Variants in SNTG1 observed in about 807,000 individuals in gnomAD.
SNTG1 encodes syntrophin gamma 1, also known as gamma-1-syntrophin.
A neutral mutation model predicts 74.7 loss-of-function variants in SNTG1; 39 were observed. That is an observed-to-expected ratio of 0.52 (90% CI 0.40 to 0.68). The LOEUF is 0.68. SNTG1 is among the 30% of genes least tolerant of loss of function. SNTG1 has a pLI of 0.00. For missense variants in SNTG1, 685 were observed against 609.5 expected, an observed-to-expected ratio of 1.12 and a Z score of -1.30; for synonymous variants, 254 against 217.1, an observed-to-expected ratio of 1.17 and a Z score of -1.49.
chr8:50,418,252 T>C (rs2093038134), intron 4 of SNTG1, among the ~76,000 whole-genome samples: 1 of 152,100 alleles, frequency 6.6e-6, no homozygotes, highest in South Asian at 2.1e-4. Context: ...TCAACATTGC[T>C]CAATTTAATG....
intron 15 of SNTG1, among the ~76,000 whole-genome samples, chr8:50,697,424 C>A (rs529582584): frequency 6.6e-6 from 1 of 152,224 alleles, no homozygotes; most frequent in East Asian, 1.9e-4. Flanking sequence ...TGGTTTATTT[C>A]TCTTGCCTAA....
chr8:50,652,799 A>C (rs1306887611), intron 13 of SNTG1, among the ~76,000 whole-genome samples: 2 of 152,050 alleles, frequency 1.3e-5, no homozygotes, highest in African/African-American at 4.8e-5. Context: ...TGTCTCAAAA[A>C]CAATAATAAG....
chr8:50,554,030 C>G (rs1453710341), intron 12 of SNTG1, among the ~76,000 whole-genome samples: 1 of 152,168 alleles, frequency 6.6e-6, no homozygotes, highest in African/African-American at 2.4e-5. Flanking sequence ...ATATATAACT[C>G]TGTCACCAGC....
chr8:50,117,260 T>C (rs968661082), intron 1 of SNTG1, among the ~76,000 whole-genome samples: 1 of 152,094 alleles, frequency 6.6e-6, no homozygotes, highest in African/African-American at 2.4e-5. Context: ...GGACTTGTCA[T>C]GCTGTAAAAA....
chr8:50,614,651 A>G (rs1351138522), intron 13 of SNTG1, among the ~76,000 whole-genome samples: 3 of 152,154 alleles, frequency 2.0e-5, no homozygotes, highest in African/African-American at 7.2e-5. Flanking sequence ...AGTAAATTTT[A>G]ATTATAGTTT....
chr8:50,796,197 C>G lies in SNTG1; in HGVS notation c.*3368C>G, dbSNP rs1211284375. 6.6e-6 allele frequency: 1 copy of G among 152,002 alleles called. No homozygotes were observed. The allele number at this position is 152,002 out of a possible 1,614,324, so 9.4% of individuals were successfully genotyped here. A position where few individuals can be genotyped will look rare whatever the true frequency, so the allele number is the denominator to read the frequency against. ...TCCTAACGATAATTTAGAATTACTG[C>G]TAGAAATCAGCAGTGTGGAGAAGCT... On this transcript the variant is annotated 3_prime_UTR_variant, in exon 19 of 19. Transcript: ENST00000642720.
At chr8:49,934,224 T>C (rs2129361196) in intron 1 of SNTG1, among the ~76,000 whole-genome samples, 1 of 152,178 alleles carries the variant, frequency 6.6e-6, no homozygotes, top group South Asian at 2.1e-4. Flanking sequence ...TACCTTTCCT[T>C]GCAGCAAGCA....
rs961533518 is a variant in SNTG1 at position 50,502,949 on chromosome 8, T to C, written c.466+69T>C. ...AGTTACATAATTATTATTTTGACAA[T>C]AATTGGTGATTTCTTCTTAAAGTTG... On this transcript the variant is annotated intron_variant, in intron 9 of 18. Coordinates refer to ENST00000642720, the MANE Select transcript of SNTG1 (RefSeq NM_018967.5). The C allele has an allele frequency of 6.2e-6, 8 of 1,288,682 alleles. No homozygotes were observed. The African/African-American group carries it at 1.2e-4, about 19-fold the overall frequency. 79.8% of individuals were successfully genotyped at this position (1,288,682 alleles called of 1,614,324 possible).
intron 2 of SNTG1, among the ~76,000 whole-genome samples, chr8:50,262,606 T>G (rs1263169126): frequency 6.6e-6 from 1 of 152,102 alleles, no homozygotes; most frequent in Non-Finnish European, 1.5e-5. Context: ...AGACGGGGTT[T>G]CACCATGTTA....
intron 13 of SNTG1, among the ~76,000 whole-genome samples, chr8:50,647,606 C>A (rs1004566288): frequency 6.6e-6 from 1 of 151,924 alleles, no homozygotes; most frequent in Non-Finnish European, 1.5e-5. Flanking sequence ...AACCCAAAAC[C>A]ACTTTAAAAA....
chr8:50,327,036 C>T (rs2090776808), intron 2 of SNTG1, among the ~76,000 whole-genome samples: 1 of 151,914 alleles, frequency 6.6e-6, no homozygotes, highest in Non-Finnish European at 1.5e-5. Flanking sequence ...TAGTTTAGTT[C>T]CATTGTAGTG....
chr8:50,667,664 C>T (rs1355873509), intron 15 of SNTG1, among the ~76,000 whole-genome samples: 1 of 152,034 alleles, frequency 6.6e-6, no homozygotes, highest in Non-Finnish European at 1.5e-5. Context: ...GTTTGCAACA[C>T]ATACAATTTT....
intron 11 of SNTG1, among the ~76,000 whole-genome samples, chr8:50,543,573 G>A (rs773377289): frequency 1.3e-5 from 2 of 151,950 alleles, no homozygotes; most frequent in Non-Finnish European, 2.9e-5. Flanking sequence ...TATAGATGTA[G>A]CACATTTAAA....
chr8:50,090,058 A>G (rs1030366425), intron 1 of SNTG1, among the ~76,000 whole-genome samples: 1 of 152,258 alleles, frequency 6.6e-6, no homozygotes, highest in Non-Finnish European at 1.5e-5. Context: ...GTCGTCTTCA[A>G]GTAACACATA....
intron 1 of SNTG1, among the ~76,000 whole-genome samples, chr8:50,131,289 T>C (rs2081308926): frequency 6.6e-6 from 1 of 152,140 alleles, no homozygotes; most frequent in South Asian, 2.1e-4. Flanking sequence ...AAGTGGGCAC[T>C]CGATTATTTC....
chr8:50,510,336 T>C (rs529169172), intron 9 of SNTG1, among the ~76,000 whole-genome samples: 13 of 152,330 alleles, frequency 8.5e-5, no homozygotes, highest in African/African-American at 2.6e-4. Context: ...ATTGAGGATT[T>C]TTGCATCGAT....
At chr8:50,557,594 G>A (rs139650341) in intron 12 of SNTG1, among the ~76,000 whole-genome samples, 217 of 152,226 alleles carry the variant, frequency 1.4e-3, no homozygotes, top group African/African-American at 4.8e-3. Flanking sequence ...ACTGACCTCC[G>A]CTTCTGTGGT....
At chr8:50,487,601 A>C (rs1275582210) in intron 8 of SNTG1, among the ~76,000 whole-genome samples, 1 of 149,872 alleles carries the variant, frequency 6.7e-6, no homozygotes, top group African/African-American at 2.5e-5. Flanking sequence ...AAAACCAAAC[A>C]CTGCATATTC....
intron 17 of SNTG1, among the ~76,000 whole-genome samples, chr8:50,745,382 G>T (rs900940410): frequency 2.0e-5 from 3 of 151,850 alleles, no homozygotes; most frequent in African/African-American, 7.2e-5. Flanking sequence ...AAATCAGAAA[G>T]AAAACAAACA....
Sources: allele counts gnomAD v4.1 joint callset (sites outside exome capture counted in the v4.1 genomes callset), GRCh38; gene constraint gnomAD v4.1.1; transcripts MANE v1.5; gene names NCBI Gene and HGNC (gene_info 2026-07-23, HGNC 2026-07-21).